The following SDK1 variants were observed in gnomAD, a reference collection of about 807,000 sequenced individuals.
SDK1 encodes sidekick cell adhesion molecule 1.
SDK1 carries 157 observed loss-of-function variants against 245.5 expected under a neutral mutation model. The observed-to-expected ratio is 0.64, with a 90% CI of 0.56 to 0.73. The LOEUF is 0.73. SDK1 is among the 30% of genes least tolerant of loss of function. SDK1 has a pLI of 0.00. For synonymous variants in SDK1, 1,647 were observed against 1,278.5 expected (o/e 1.29, Z -6.15); for missense variants, 3,583 against 3,002.3 (o/e 1.19, Z -4.52).
At chr7:3,390,582 G>A (rs1781724158) in intron 1 of SDK1, among the ~76,000 whole-genome samples, 1 of 152,154 alleles carries the variant, frequency 6.6e-6, no homozygotes, top group Non-Finnish European at 1.5e-5. Context: ...GATTAGACCG[G>A]ACTATAATCC....
chr7:4,175,006 AAGC>A (rs1336875581), intron 33 of SDK1, among the ~76,000 whole-genome samples: 1 of 152,184 alleles, frequency 6.6e-6, no homozygotes, highest in Non-Finnish European at 1.5e-5. Context: ...CAGAGTGAAG[AAGC>A]AGCTCCAGAA....
At chr7:3,399,946 T>C (rs1778842226) in intron 1 of SDK1, among the ~76,000 whole-genome samples, 1 of 152,138 alleles carries the variant, frequency 6.6e-6, no homozygotes, top group Admixed American at 6.5e-5. Context: ...CAGCTGATTG[T>C]TTTTGACAAA....
intron 1 of SDK1, among the ~76,000 whole-genome samples, chr7:3,495,771 G>C (rs912889178): frequency 2.0e-5 from 3 of 152,180 alleles, no homozygotes; most frequent in Non-Finnish European, 4.4e-5. Context: ...CTTTGTCCTC[G>C]TGGACCCAGT....
intron 5 of SDK1, among the ~76,000 whole-genome samples, chr7:3,868,006 C>G (rs959906794): frequency 9.2e-5 from 14 of 152,078 alleles, no homozygotes; most frequent in African/African-American, 3.4e-4. Flanking sequence ...CGGAAAAACC[C>G]TATTTCATAA....
At chr7:3,570,128 G>T (rs1241038192) in intron 1 of SDK1, among the ~76,000 whole-genome samples, 1 of 152,144 alleles carries the variant, frequency 6.6e-6, no homozygotes, top group Non-Finnish European at 1.5e-5. Context: ...GCCAAGCCTT[G>T]GACTGCATGT....
chr7:3,603,972 G>A lies in SDK1; in HGVS notation c.299-15108G>A, dbSNP rs567043446. Among the ~76,000 whole-genome samples, 631 of 152,224 alleles carry A rather than the reference G, an allele frequency of 4.1e-3. 4 individuals carry two copies. The highest frequency in any genetic ancestry group is 0.014 in the African/African-American group (588 of 41,540). ...TTTTTGTCTTTGGTTCTGTTTATAT[G>A]CTGGATTACCTTTATTGATTTGCGT... On this transcript the variant is annotated intron_variant, in intron 1 of 44. Coordinates refer to ENST00000404826, the MANE Select transcript of SDK1 (RefSeq NM_152744.4).
At chr7:3,944,611 G>C (rs1229517436) in intron 5 of SDK1, among the ~76,000 whole-genome samples, 1 of 152,134 alleles carries the variant, frequency 6.6e-6, no homozygotes, top group Non-Finnish European at 1.5e-5. Flanking sequence ...GATATTCTTT[G>C]CATCTTCTAA....
At chr7:3,566,481 T>A (rs887347221) in intron 1 of SDK1, among the ~76,000 whole-genome samples, 2 of 152,052 alleles carry the variant, frequency 1.3e-5, no homozygotes, top group Non-Finnish European at 2.9e-5. Context: ...TGCCTCGGCC[T>A]CCCAAAGTGC....
intron 1 of SDK1, among the ~76,000 whole-genome samples, chr7:3,449,500 G>A (rs968712489): frequency 1.3e-5 from 2 of 152,170 alleles, no homozygotes; most frequent in Non-Finnish European, 2.9e-5. Flanking sequence ...ACAGATTTGA[G>A]AAGATTTGAC....
intron 28 of SDK1, among the ~76,000 whole-genome samples, chr7:4,140,624 T>C (rs1230152153): frequency 2.0e-5 from 3 of 152,106 alleles, no homozygotes; most frequent in Admixed American, 6.5e-5. Flanking sequence ...TGGGGCTCGA[T>C]GCCGAGGGAC....
chr7:4,080,380 G>A (rs750382993), intron 22 of SDK1, among the ~76,000 whole-genome samples: 1 of 152,092 alleles, frequency 6.6e-6, no homozygotes, highest in Non-Finnish European at 1.5e-5. Context: ...AAAAGCAGGA[G>A]GAAAAAGATA....
intron 5 of SDK1, among the ~76,000 whole-genome samples, chr7:3,838,732 G>C (rs1356876551): frequency 6.6e-6 from 1 of 152,222 alleles, no homozygotes; most frequent in East Asian, 1.9e-4. Flanking sequence ...ATCCTGCTCA[G>C]GTCTCAGCAG....
chr7:3,306,936 G>T (rs368837017), intron 1 of SDK1, among the ~76,000 whole-genome samples: 4 of 152,174 alleles, frequency 2.6e-5, no homozygotes, highest in Admixed American at 1.3e-4. Flanking sequence ...ATTTCTCTAA[G>T]AAGTAAAGAA....
chr7:3,491,977 G>C (rs10499339), intron 1 of SDK1, among the ~76,000 whole-genome samples: 21,069 of 152,058 alleles, frequency 0.14, 2,491 homozygotes, highest in African/African-American at 0.32. Context: ...ATTTAAAATC[G>C]TCTATCCATA....
chr7:3,492,434 C>T (rs1045794533), intron 1 of SDK1, among the ~76,000 whole-genome samples: 2 of 152,186 alleles, frequency 1.3e-5, no homozygotes, highest in African/African-American at 2.4e-5. Flanking sequence ...GTGGAGCTTG[C>T]GGTGAGCCGA....
chr7:3,402,908 A>G (rs971119398), intron 1 of SDK1, among the ~76,000 whole-genome samples: 13 of 152,092 alleles, frequency 8.5e-5, no homozygotes, highest in Admixed American at 7.9e-4. Context: ...ACTTTGGCTT[A>G]TTATGAATTA....
In SDK1 at chr7:4,266,889, GC is replaced by G; in HGVS notation, c.*1506del. The stretch of plus-strand genomic sequence containing the variant: ...GTGCCCCCCAGTGCACGGCAAACGG[GC>G]AGGTGCCGTTCCCCCAGTGACCTGA... On this transcript the variant is annotated 3_prime_UTR_variant, in exon 45 of 45. Transcript: ENST00000404826. 1 of 985,510 alleles carries G rather than the reference GC, an allele frequency of 1.0e-6. No individual in the cohort carries two copies. The highest frequency in any genetic ancestry group is 1.2e-6 in the Non-Finnish European group (1 of 829,992). The allele number at this position is 985,510 out of a possible 1,614,324, so 61.0% of individuals were successfully genotyped here.
At chr7:3,931,523 C>A (rs1185856451) in intron 5 of SDK1, among the ~76,000 whole-genome samples, 1 of 152,184 alleles carries the variant, frequency 6.6e-6, no homozygotes, top group Non-Finnish European at 1.5e-5. Flanking sequence ...TAAACAACTG[C>A]GTAGCTAACC....
intron 22 of SDK1, among the ~76,000 whole-genome samples, chr7:4,084,886 C>A (rs1010644205): frequency 3.2e-4 from 48 of 152,204 alleles, no homozygotes; most frequent in African/African-American, 1.1e-3. Context: ...CCTCAGCCTC[C>A]TGAGTAGCTG....
Sources: allele counts gnomAD v4.1 joint callset (sites outside exome capture counted in the v4.1 genomes callset), GRCh38; gene constraint gnomAD v4.1.1; transcripts MANE v1.5; gene names NCBI Gene and HGNC (gene_info 2026-07-23, HGNC 2026-07-21).